The following SLC17A1 variants were observed in gnomAD, a reference collection of about 807,000 sequenced individuals.
The protein encoded by SLC17A1 is solute carrier family 17 member 1.
A neutral mutation model predicts 53.5 loss-of-function variants in SLC17A1; 51 were observed. That is an observed-to-expected ratio of 0.95 (90% confidence interval 0.76 to 1.20). The LOEUF is 1.20. Among genes scored for constraint, SLC17A1 ranks in the 50% most tolerant of loss-of-function variants. SLC17A1 has a pLI of 0.00. For synonymous variants in SLC17A1, 179 were observed against 198.8 expected (o/e 0.90, Z 0.84); for missense variants, 538 against 568.2 (o/e 0.95, Z 0.54).
chr6:25,818,069 C>T (rs565978654), intron 6 of SLC17A1, among the ~76,000 whole-genome samples: 175 of 152,318 alleles, frequency 1.1e-3, no homozygotes, highest in African/African-American at 4.2e-3. Context: ...CTTCACCTTA[C>T]TTTGGCTACA....
chr6:25,807,053 A>G (rs568954221), intron 10 of SLC17A1, among the ~76,000 whole-genome samples: 14 of 152,264 alleles, frequency 9.2e-5, no homozygotes, highest in African/African-American at 3.4e-4. Context: ...TGTGGTAAAA[A>G]GAGATTGCTT....
chr6:25,819,986 G>C, intron 3 of SLC17A1, 71 bp from the exon 4 acceptor site: 1 of 1,064,634 alleles, frequency 9.4e-7, no homozygotes, highest in South Asian at 1.5e-5. Context: ...TAGGGATTCA[G>C]GGAAACTGTT....
the SLC17A1 span, among the ~76,000 whole-genome samples, chr6:25,765,997 C>G: frequency 6.6e-6 from 1 of 151,512 alleles, no homozygotes; most frequent in South Asian, 2.1e-4. Context: ...GAGACAGAAG[C>G]ATTGAAAATG....
At chr6:25,725,103 G>A in the SLC17A1 span, among the ~76,000 whole-genome samples, 1 of 151,448 alleles carries the variant, frequency 6.6e-6, no homozygotes, top group Non-Finnish European at 1.5e-5. Context: ...TACTGAATGG[G>A]TTTTGCTTTT....
At chr6:25,726,400 C>T in the SLC17A1 span, 8 of 1,614,056 alleles carry the variant, frequency 5.0e-6, no homozygotes, top group African/African-American at 2.7e-5. Context: ...TGCCCCTATC[C>T]GCTCTGCATA....
chr6:25,831,180 C>A (rs1248564816), intron 1 of SLC17A1, among the ~76,000 whole-genome samples: 1 of 152,128 alleles, frequency 6.6e-6, no homozygotes, highest in Non-Finnish European at 1.5e-5. Flanking sequence ...GATAGAGCAG[C>A]CACTGATGCA....
the SLC17A1 span, among the ~76,000 whole-genome samples, chr6:25,733,782 CTGTGTGTGTG>C: frequency 6.9e-6 from 1 of 144,554 alleles, no homozygotes; most frequent in African/African-American, 2.6e-5. Flanking sequence ...AAGCCTAATA[CTGTGTGTGTG>C]TGTGTGTGTG....
At chr6:25,726,207 T>C in the SLC17A1 span, 1 of 1,608,738 alleles carries the variant, frequency 6.2e-7, no homozygotes, top group Non-Finnish European at 8.5e-7. Flanking sequence ...TAGGCAGGAC[T>C]CCGCCCTGGG....
rs182343272 is a variant in SLC17A1 at position 25,823,585 on chromosome 6, T to C, written c.207+2876A>G. Reference sequence around the variant, plus strand: ...TCAAATGATATACAGCATCTTTTCATGTGAGTATTTTTCCTCTGTGTATCT... The same window carrying C: ...TCAAATGATATACAGCATCTTTTCACGTGAGTATTTTTCCTCTGTGTATCT... On this transcript the variant is annotated intron_variant, in intron 3 of 12. Transcript: ENST00000244527. Among the ~76,000 whole-genome samples the C allele has an allele frequency of 2.1e-4, 32 of 152,256 alleles. No homozygotes were observed. The East Asian group carries it at 3.8e-3, about 18-fold the overall frequency.
At chr6:25,773,574 C>T in the SLC17A1 span, 1 of 1,613,932 alleles carries the variant, frequency 6.2e-7, no homozygotes, top group Non-Finnish European at 8.5e-7. Context: ...CCACTCTGGG[C>T]CATTTTAGTC....
At chr6:25,788,780 G>T (rs901786504) in intron 12 of SLC17A1, among the ~76,000 whole-genome samples, 2 of 152,076 alleles carry the variant, frequency 1.3e-5, no homozygotes, top group African/African-American at 4.8e-5. Context: ...AGAATGAGAA[G>T]GATGTCTGGA....
chr6:25,796,916 A>G (rs1763613276), intron 12 of SLC17A1, among the ~76,000 whole-genome samples: 2 of 152,152 alleles, frequency 1.3e-5, no homozygotes, highest in South Asian at 2.1e-4. Context: ...GCCAACCTAT[A>G]TACTAACCCA....
At chr6:25,783,401 C>T (rs1272325224) in intron 12 of SLC17A1, among the ~76,000 whole-genome samples, 183 bp from the exon 13 acceptor site, 1 of 152,150 alleles carries the variant, frequency 6.6e-6, no homozygotes, top group African/African-American at 2.4e-5. Context: ...ACACTTCTCT[C>T]CTCTGGACAT....
the SLC17A1 span, among the ~76,000 whole-genome samples, chr6:25,756,603 C>A: frequency 6.6e-6 from 1 of 152,210 alleles, no homozygotes; most frequent in African/African-American, 2.4e-5. Flanking sequence ...TCACCCTCGG[C>A]TGTCTGTTCC....
chr6:25,769,170 C>G, the SLC17A1 span: 2 of 1,613,774 alleles, frequency 1.2e-6, no homozygotes, highest in Admixed American at 1.7e-5. Flanking sequence ...GAATGAAACT[C>G]TAAAAGAATT....
At position 25,811,457 on chromosome 6, in the gene SLC17A1, AC is replaced by A; in HGVS notation, c.1118del (p.Gly373ValfsTer13). ...YSIVIFLILA[G>X]ATGSFCLGGV... is the part of the protein sequence containing the mutation. ...CACCCAAGCAAAAGCTGCCTGTTGC[AC>A]CAGCAAGTATTAGGAAAATGACAAT... On this transcript the variant is annotated frameshift_variant, in exon 10 of 13. Transcript: ENST00000244527. LOFTEE classifies it high-confidence loss of function. The A allele has an allele frequency of 6.2e-7, 1 of 1,614,018 alleles. No individual in the cohort carries two copies. The highest frequency in any genetic ancestry group is 8.5e-7 in the Non-Finnish European group (1 of 1,179,908).
At chr6:25,730,791 A>G in the SLC17A1 span, among the ~76,000 whole-genome samples, 2 of 152,182 alleles carry the variant, frequency 1.3e-5, no homozygotes, top group Admixed American at 1.3e-4. Context: ...AGTGGTTTTT[A>G]GGGAGGCAAG....
chr6:25,786,869 G>C (rs762126754), intron 12 of SLC17A1, among the ~76,000 whole-genome samples: 9 of 152,114 alleles, frequency 5.9e-5, no homozygotes, highest in Non-Finnish European at 1.2e-4. Flanking sequence ...GAGAAGGTCC[G>C]CCTGCAGCTT....
chr6:25,830,681 T>A, intron 1 of SLC17A1, 74 bp from the exon 2 acceptor site: 1 of 970,058 alleles, frequency 1.0e-6, no homozygotes, highest in Non-Finnish European at 1.6e-6. Flanking sequence ...AGTACTCCTC[T>A]CTGATTTAAA....
Sources: allele counts gnomAD v4.1 joint callset (sites outside exome capture counted in the v4.1 genomes callset), GRCh38; gene constraint gnomAD v4.1.1; transcripts MANE v1.5; gene names NCBI Gene and HGNC (gene_info 2026-07-23, HGNC 2026-07-21).